The following LRRC37A2 variants were observed in gnomAD, a reference collection of about 807,000 sequenced individuals.
The protein encoded by LRRC37A2 is leucine-rich repeat-containing protein 37A2.
A neutral mutation model predicts 68.8 loss-of-function variants in LRRC37A2; 9 were observed. That is an observed-to-expected ratio of 0.13 (90% confidence interval 0.08 to 0.23). The LOEUF is 0.23. Among genes scored for constraint, LRRC37A2 ranks in the 10% least tolerant of loss-of-function variants. The pLI, the probability that LRRC37A2 is intolerant of heterozygous loss-of-function variation, is 1.00. For synonymous variants in LRRC37A2, 63 were observed against 367.6 expected (o/e 0.17, Z 9.48); for missense variants, 168 against 950.4 (o/e 0.18, Z 10.82).
chr17:46,943,335 T>C, the LRRC37A2 span, among the ~76,000 whole-genome samples: 1 of 152,174 alleles, frequency 6.6e-6, no homozygotes, highest in Non-Finnish European at 1.5e-5. Flanking sequence ...GGCCAGCTCT[T>C]CGCTGCCCCT....
the LRRC37A2 span, among the ~76,000 whole-genome samples, chr17:46,815,546 CG>C: frequency 6.6e-6 from 1 of 150,898 alleles, no homozygotes; most frequent in Admixed American, 6.6e-5. Context: ...GACTGCCAGG[CG>C]GGGGGCTGGG....
chr17:46,779,103 A>ACACAC, the LRRC37A2 span, among the ~76,000 whole-genome samples: 238 of 133,632 alleles, frequency 1.8e-3, 2 homozygotes, highest in African/African-American at 6.2e-3. Flanking sequence ...ACACACACAC[A>ACACAC]CCCCAGCCCA....
At chr17:46,887,507 G>A in the LRRC37A2 span, among the ~76,000 whole-genome samples, 5 of 152,122 alleles carry the variant, frequency 3.3e-5, no homozygotes, top group African/African-American at 1.2e-4. Context: ...GCTCAAGCCT[G>A]TAATCCCAGC....
the LRRC37A2 span, chr17:46,955,372 G>C: frequency 1.3e-5 from 2 of 151,314 alleles, no homozygotes; most frequent in Non-Finnish European, 1.5e-5. Flanking sequence ...AAGCCCACTT[G>C]ATCATGGTGG....
At chr17:46,898,680 AGT>A in the LRRC37A2 span, among the ~76,000 whole-genome samples, 2 of 152,240 alleles carry the variant, frequency 1.3e-5, no homozygotes, top group African/African-American at 4.8e-5. Flanking sequence ...TCGAGTTTCC[AGT>A]GGAATCCTTG....
chr17:47,029,142 C>T, the LRRC37A2 span, among the ~76,000 whole-genome samples: 1 of 152,022 alleles, frequency 6.6e-6, no homozygotes, highest in South Asian at 2.1e-4. Context: ...TGTGCCACTA[C>T]ACTCCAACCT....
the LRRC37A2 span, among the ~76,000 whole-genome samples, chr17:46,890,399 G>C: frequency 2.6e-5 from 4 of 152,160 alleles, no homozygotes; most frequent in African/African-American, 9.7e-5. Context: ...TGGATGGTGG[G>C]GAGTGGGCAA....
chr17:46,424,360 G>T, the LRRC37A2 span, among the ~76,000 whole-genome samples: 4 of 113,860 alleles, frequency 3.5e-5, no homozygotes, highest in Non-Finnish European at 8.2e-5. Context: ...TTTATGAAGT[G>T]ATTTCTTTGT....
the LRRC37A2 span, among the ~76,000 whole-genome samples, chr17:46,502,174 G>A: frequency 6.6e-6 from 1 of 151,146 alleles, no homozygotes; most frequent in Non-Finnish European, 1.5e-5. Context: ...CATCGCTGAT[G>A]CAGTAATGAA....
the LRRC37A2 span, among the ~76,000 whole-genome samples, chr17:46,976,894 G>A: frequency 5.3e-5 from 8 of 152,314 alleles, no homozygotes; most frequent in East Asian, 9.7e-4. Flanking sequence ...CTTCCTGCAA[G>A]TCACACCAAA....
the LRRC37A2 span, among the ~76,000 whole-genome samples, chr17:46,814,494 C>G: frequency 2.0e-5 from 3 of 152,188 alleles, no homozygotes; most frequent in South Asian, 6.2e-4. Context: ...ACTAATTTCC[C>G]CGCCATATCC....
chr17:46,938,993 G>A, the LRRC37A2 span: 31 of 1,379,574 alleles, frequency 2.2e-5, no homozygotes, highest in African/African-American at 1.7e-4. Flanking sequence ...AAGAAGTCCC[G>A]GGTCTGTCTC....
At chr17:46,835,987 A>G in the LRRC37A2 span, among the ~76,000 whole-genome samples, 2 of 151,930 alleles carry the variant, frequency 1.3e-5, no homozygotes, top group African/African-American at 2.4e-5. Flanking sequence ...GAGACCCTGG[A>G]CCTTAAAGTT....
the LRRC37A2 span, among the ~76,000 whole-genome samples, chr17:46,962,284 G>A: frequency 5.3e-5 from 8 of 151,308 alleles, no homozygotes; most frequent in Non-Finnish European, 1.2e-4. Flanking sequence ...AGCCGAGATT[G>A]CGCCACTGCA....
chr17:47,021,557 A>T, the LRRC37A2 span: 1 of 466,634 alleles, frequency 2.1e-6, no homozygotes, highest in South Asian at 2.2e-5. Context: ...TTAGACACAT[A>T]AGTGCTTTTA....
At chr17:46,996,991 G>A in the LRRC37A2 span, among the ~76,000 whole-genome samples, 12 of 152,290 alleles carry the variant, frequency 7.9e-5, no homozygotes, top group African/African-American at 2.4e-4. Context: ...AATAGTTAAC[G>A]AGGAGGAGTT....
At chr17:46,543,159 C>G (rs2055699220) in intron 8 of LRRC37A2, among the ~76,000 whole-genome samples, 1 of 150,350 alleles carries the variant, frequency 6.7e-6, no homozygotes, top group African/African-American at 2.5e-5. Flanking sequence ...GATTTGTCAC[C>G]AAGGCCATAA....
the LRRC37A2 span, among the ~76,000 whole-genome samples, chr17:46,867,769 T>C: frequency 4.5e-3 from 687 of 151,906 alleles, 6 homozygotes; most frequent in African/African-American, 0.016. Flanking sequence ...GATCTGAGGG[T>C]GAGAGTGTGT....
Position 46,549,334 on chromosome 17 carries a change from G to T in LRRC37A2, c.4195G>T (p.Glu1399Ter), listed in dbSNP as rs755662646. The T allele has an allele frequency of 6.2e-7, 1 of 1,603,456 alleles. No individual in the cohort carries two copies. The highest frequency in any genetic ancestry group is 8.5e-7 in the Non-Finnish European group (1 of 1,178,008). ...CACAACTGCAAGAAATGCCTTTGAA[G>T]AAAATGATTTTATGGAAAACACTAA... The change falls in exon 10 of 15, where the codon GAA becomes TAA. Residue 1399 changes from glutamate to a stop codon, truncating the protein, a stop_gained. Coordinates refer to ENST00000576629, the Ensembl canonical transcript of LRRC37A2. LOFTEE classifies it high-confidence loss of function.
Sources: allele counts gnomAD v4.1 joint callset (sites outside exome capture counted in the v4.1 genomes callset), GRCh38; gene constraint gnomAD v4.1.1; transcripts MANE v1.5; gene names NCBI Gene and HGNC (gene_info 2026-07-23, HGNC 2026-07-21).